The following FDX1 variants were observed in gnomAD, a reference collection of about 807,000 sequenced individuals.
FDX1 encodes adrenodoxin, mitochondrial.
In FDX1, 9 loss-of-function variants were observed where a neutral mutation model predicts 14.9. That is an observed-to-expected ratio of 0.60 (90% CI 0.36 to 1.05). The LOEUF is 1.05. Ranked by LOEUF, FDX1 falls within the 50% of genes least tolerant of loss-of-function variation. The pLI, the probability that FDX1 is intolerant of heterozygous loss-of-function variation, is 0.01. For synonymous variants in FDX1, 92 were observed against 99.4 expected (o/e 0.93, Z 0.44); for missense variants, 204 against 237.2 (o/e 0.86, Z 0.92).
chr11:110,444,720 A>ACACG (rs1467237096), intron 2 of FDX1, among the ~76,000 whole-genome samples: 7 of 63,374 alleles, frequency 1.1e-4, no homozygotes, highest in Admixed American at 1.9e-4. Context: ...ATATATATAT[A>ACACG]TACGTATATA....
intron 1 of FDX1, among the ~76,000 whole-genome samples, chr11:110,432,571 C>G (rs1299904382): frequency 6.6e-6 from 1 of 152,066 alleles, no homozygotes; most frequent in Non-Finnish European, 1.5e-5. Flanking sequence ...CAGGTTCAAG[C>G]GATTCTCGTG....
intron 2 of FDX1, among the ~76,000 whole-genome samples, chr11:110,439,895 A>T (rs1007800081): frequency 2.6e-5 from 4 of 152,156 alleles, no homozygotes; most frequent in African/African-American, 9.7e-5. Flanking sequence ...TTCTGCATAT[A>T]ATAGCCATCA....
intron 2 of FDX1, among the ~76,000 whole-genome samples, chr11:110,456,221 C>T (rs1371556457): frequency 2.0e-5 from 3 of 152,090 alleles, no homozygotes; most frequent in Admixed American, 2.0e-4. Flanking sequence ...TTTCTAGTTC[C>T]TCTTATATAC....
At chr11:110,436,033 T>G in intron 2 of FDX1, 75 bp downstream of exon 2, 1 of 1,340,296 alleles carries the variant, frequency 7.5e-7, no homozygotes, top group Non-Finnish European at 1.0e-6. Flanking sequence ...GGTTTTTTTT[T>G]TTGAAGAAGT....
chr11:110,444,731 TATATATATATATAC>T (rs1946436858), intron 2 of FDX1, among the ~76,000 whole-genome samples: 9 of 67,380 alleles, frequency 1.3e-4, no homozygotes, highest in Admixed American at 5.5e-4. Context: ...TACGTATATA[TATATATATATATAC>T]ACGTATATAT....
chr11:110,452,077 G>C (rs2134688882), intron 2 of FDX1, among the ~76,000 whole-genome samples: 1 of 152,238 alleles, frequency 6.6e-6, no homozygotes, highest in African/African-American at 2.4e-5. Context: ...AAACATGAAT[G>C]CAAAATTGAC....
intron 2 of FDX1, among the ~76,000 whole-genome samples, chr11:110,442,664 C>T (rs1946412279): frequency 6.6e-6 from 1 of 152,178 alleles, no homozygotes; most frequent in South Asian, 2.1e-4. Flanking sequence ...TTTACAGGCT[C>T]ATAGGCAGAA....
At chr11:110,458,495 T>C (rs1373203048) in intron 3 of FDX1, among the ~76,000 whole-genome samples, 1 of 152,224 alleles carries the variant, frequency 6.6e-6, no homozygotes, top group Non-Finnish European at 1.5e-5. Context: ...TGTAAACTTA[T>C]TTTTAGGGTA....
At chr11:110,435,178 A>G (rs1043604182) in intron 1 of FDX1, among the ~76,000 whole-genome samples, 2 of 151,880 alleles carry the variant, frequency 1.3e-5, no homozygotes, top group African/African-American at 2.4e-5. Flanking sequence ...CAGCCTCCCA[A>G]TTAGCTGGGA....
In FDX1 at chr11:110,444,756, A is replaced by G. The variant is rs536665942; in HGVS notation, c.310+8798A>G. On this transcript the variant is annotated intron_variant, in intron 2 of 3. Coordinates refer to ENST00000260270, the MANE Select transcript of FDX1 (RefSeq NM_004109.5). ...TATATATATATATACACGTATATAT[A>G]TATATATATATTTGCAGAACAACCT... 1.3e-3 allele frequency among the ~76,000 whole-genome samples: 167 copies of G among 123,760 alleles called. 10 individuals are homozygous for G. Among genetic ancestry groups the G allele is most frequent in the African/African-American group, 5.3e-3 (153 of 28,956 alleles). The allele number at this position is 123,760 out of a possible 152,430, so 81.2% of individuals were successfully genotyped here. A position where few individuals can be genotyped will look rare whatever the true frequency, so the allele number is the denominator to read the frequency against.
At chr11:110,442,073 G>A (rs903119025) in intron 2 of FDX1, among the ~76,000 whole-genome samples, 1 of 152,238 alleles carries the variant, frequency 6.6e-6, no homozygotes, top group Non-Finnish European at 1.5e-5. Context: ...GAGCCTGCTA[G>A]TGTACAGAAG....
At chr11:110,433,746 CA>C (rs1946347374) in intron 1 of FDX1, among the ~76,000 whole-genome samples, 3 of 152,126 alleles carry the variant, frequency 2.0e-5, no homozygotes, top group African/African-American at 4.8e-5. Flanking sequence ...TACACACACA[CA>C]CACCCTTTTG....
intron 2 of FDX1, among the ~76,000 whole-genome samples, chr11:110,456,013 C>T (rs894883682): frequency 6.6e-6 from 1 of 152,134 alleles, no homozygotes; most frequent in Non-Finnish European, 1.5e-5. Context: ...TTTTAGTTCT[C>T]TCATCACAGT....
At chr11:110,430,787 C>G (rs1004675755) in intron 1 of FDX1, among the ~76,000 whole-genome samples, 2 of 152,194 alleles carry the variant, frequency 1.3e-5, no homozygotes, top group Non-Finnish European at 1.5e-5. Flanking sequence ...GGTCCCAGGT[C>G]TTTGTCAGGG....
Position 110,430,294 on chromosome 11 carries a change from G to A in FDX1, c.174G>A (p.Arg58=). 1 of 1,198,422 alleles carries A rather than the reference G, an allele frequency of 8.3e-7. No homozygotes were observed. The highest frequency in any genetic ancestry group is 4.4e-5 in the Admixed American group (1 of 22,524). The allele number at this position is 1,198,422 out of a possible 1,614,324, so 74.2% of individuals were successfully genotyped here. A position where few individuals can be genotyped will look rare whatever the true frequency, so the allele number is the denominator to read the frequency against. Residue 58 remains arginine, a synonymous_variant, in exon 1 of 4, where the codon CGG becomes CGA. Coordinates refer to ENST00000260270, the MANE Select transcript of FDX1 (RefSeq NM_004109.5). ...EASRSLSVSA[R]ARSSSEDKIT... ...GCCGGTCGCTGAGCGTGTCGGCGCGGGCCCGGAGCAGGTAGGGCGCCGTGC... is the reference window on the plus strand; with the variant it reads ...GCCGGTCGCTGAGCGTGTCGGCGCGAGCCCGGAGCAGGTAGGGCGCCGTGC...
chr11:110,450,431 G>C (rs560125149), intron 2 of FDX1, among the ~76,000 whole-genome samples: 1 of 152,228 alleles, frequency 6.6e-6, no homozygotes, highest in East Asian at 1.9e-4. Flanking sequence ...TCTGACAGAG[G>C]TGGAGCTCAG....
chr11:110,450,359 T>C (rs1305405343), intron 2 of FDX1, among the ~76,000 whole-genome samples: 1 of 151,676 alleles, frequency 6.6e-6, no homozygotes. Flanking sequence ...GCACCCTAGA[T>C]CCCCCACATG....
At chr11:110,457,131 A>G (rs981793503) in intron 3 of FDX1, 84 bp downstream of exon 3, 9 of 1,185,374 alleles carry the variant, frequency 7.6e-6, no homozygotes, top group Non-Finnish European at 1.1e-5. Context: ...GACCAGACCC[A>G]TAAATGTAAT....
intron 2 of FDX1, among the ~76,000 whole-genome samples, chr11:110,446,033 A>G (rs558696405): frequency 6.6e-6 from 1 of 152,362 alleles, no homozygotes; most frequent in East Asian, 1.9e-4. Flanking sequence ...TATCATAGAA[A>G]TTCGCGTATT....
Sources: allele counts gnomAD v4.1 joint callset (sites outside exome capture counted in the v4.1 genomes callset), GRCh38; gene constraint gnomAD v4.1.1; transcripts MANE v1.5; gene names NCBI Gene and HGNC (gene_info 2026-07-23, HGNC 2026-07-21).